Variants in ABCA13 observed in about 807,000 individuals in gnomAD.
ABCA13 encodes the protein ATP binding cassette subfamily A member 13, also known as ATP-binding cassette sub-family A member 13.
In ABCA13, 476 loss-of-function variants were observed where a neutral mutation model predicts 478.7. The observed-to-expected ratio is 0.99, with a 90% CI of 0.92 to 1.07. ABCA13 has a LOEUF of 1.07. ABCA13 is among the 50% of genes least tolerant of loss of function. The pLI is 0.00. For missense variants in ABCA13, 6,060 were observed against 5,910.6 expected, an observed-to-expected ratio of 1.03 and a Z score of -0.83; for synonymous variants, 2,252 against 2,158.9, an observed-to-expected ratio of 1.04 and a Z score of -1.20.
At chr7:48,590,613 G>C (rs1161998391) in intron 57 of ABCA13, among the ~76,000 whole-genome samples, 3 of 152,076 alleles carry the variant, frequency 2.0e-5, no homozygotes, top group African/African-American at 7.2e-5. Flanking sequence ...TTGTGTATAA[G>C]GGTTCACTTT....
chr7:48,465,088 G>C (rs1826721229), intron 43 of ABCA13, among the ~76,000 whole-genome samples: 1 of 152,182 alleles, frequency 6.6e-6, no homozygotes, highest in African/African-American at 2.4e-5. Flanking sequence ...GGCTAGGCTG[G>C]GCTGGGTGCC....
At chr7:48,468,469 A>AT (rs1452327469) in intron 44 of ABCA13, among the ~76,000 whole-genome samples, 2 of 152,126 alleles carry the variant, frequency 1.3e-5, no homozygotes, top group Non-Finnish European at 2.9e-5. Flanking sequence ...ATTTCTATCT[A>AT]TTTTTGTGGT....
At chr7:48,330,937 G>A (rs1280424333) in intron 27 of ABCA13, among the ~76,000 whole-genome samples, 7 of 152,142 alleles carry the variant, frequency 4.6e-5, no homozygotes, top group Admixed American at 4.6e-4. Flanking sequence ...TTTTGGCCAA[G>A]TGAAAAAGAA....
intron 3 of ABCA13, among the ~76,000 whole-genome samples, chr7:48,208,318 AT>A (rs920410044): frequency 2.0e-5 from 3 of 151,714 alleles, no homozygotes. Context: ...TAAAAAATGA[AT>A]TTTTTTTCTA....
intron 37 of ABCA13, 51 bp from the exon 38 acceptor site, chr7:48,391,870 T>C: frequency 6.4e-7 from 1 of 1,553,030 alleles, no homozygotes; most frequent in Non-Finnish European, 8.8e-7. Context: ...TTGCTGACGT[T>C]CACAGTATCA....
intron 1 of ABCA13, among the ~76,000 whole-genome samples, chr7:48,185,503 T>A (rs1201867486): frequency 6.6e-6 from 1 of 152,214 alleles, no homozygotes; most frequent in Non-Finnish European, 1.5e-5. Flanking sequence ...AGAATTGCAT[T>A]GAGCCTACAG....
intron 15 of ABCA13, among the ~76,000 whole-genome samples, chr7:48,255,460 C>T (rs1296834765): frequency 2.0e-5 from 3 of 152,154 alleles, no homozygotes; most frequent in Admixed American, 6.5e-5. Flanking sequence ...TTGCCCACCC[C>T]TCTTTCCCTA....
intron 58 of ABCA13, among the ~76,000 whole-genome samples, chr7:48,605,542 C>T (rs1791380522): frequency 6.6e-6 from 1 of 152,154 alleles, no homozygotes; most frequent in East Asian, 1.9e-4. Flanking sequence ...TATTGTCCCC[C>T]ATTCTCCTCT....
intron 15 of ABCA13, among the ~76,000 whole-genome samples, chr7:48,263,598 G>A (rs930849295): frequency 1.3e-5 from 2 of 151,872 alleles, no homozygotes; most frequent in Non-Finnish European, 2.9e-5. Context: ...GCTTAGCACA[G>A]TATCGTAGGC....
At chr7:48,187,478 T>G (rs1234098679) in intron 1 of ABCA13, among the ~76,000 whole-genome samples, 1 of 151,986 alleles carries the variant, frequency 6.6e-6, no homozygotes, top group Non-Finnish European at 1.5e-5. Flanking sequence ...CAAAAAATAT[T>G]TTGTTCAATT....
chr7:48,291,456 C>T (rs1488117158), intron 20 of ABCA13, among the ~76,000 whole-genome samples: 1 of 152,082 alleles, frequency 6.6e-6, no homozygotes, highest in Non-Finnish European at 1.5e-5. Context: ...GGGATGGTTC[C>T]CAAAGTAGTG....
intron 55 of ABCA13, among the ~76,000 whole-genome samples, chr7:48,531,386 G>A (rs1426679793): frequency 6.6e-6 from 1 of 152,050 alleles, no homozygotes; most frequent in Admixed American, 6.6e-5. Context: ...CTGTTTTGGT[G>A]ACTATGGCCT....
At chr7:48,266,842 C>T (rs917555953) in intron 15 of ABCA13, among the ~76,000 whole-genome samples, 8 of 151,834 alleles carry the variant, frequency 5.3e-5, no homozygotes, top group Non-Finnish European at 8.8e-5. Context: ...CCCCTAAATG[C>T]TGATTTTAGA....
chr7:48,536,032 C>A (rs929528304), intron 55 of ABCA13, among the ~76,000 whole-genome samples: 2 of 152,196 alleles, frequency 1.3e-5, no homozygotes, highest in Non-Finnish European at 2.9e-5. Context: ...TCTGTGGATT[C>A]TCTCAGCTTT....
At chr7:48,217,013 G>C (rs1440091968) in intron 3 of ABCA13, among the ~76,000 whole-genome samples, 4 of 151,990 alleles carry the variant, frequency 2.6e-5, no homozygotes, top group African/African-American at 9.7e-5. Flanking sequence ...ATATTTTTTG[G>C]TATTGTTTTA....
In ABCA13 at chr7:48,587,231, C is replaced by T. The variant is rs762458313; in HGVS notation, c.14583C>T (p.Thr4861=). The T allele has an allele frequency of 3.3e-5, 54 of 1,612,270 alleles. 1 individual carries two copies. The Admixed American group carries it at 4.2e-4, about 12-fold the overall frequency. ...CTGTGGCCACCTACAGTGGGGGAAC[C>T]AAGCGGAAACTCTCTACAGCCCTGG... The part of the protein sequence containing the change: ...DKPVATYSGG[T]KRKLSTALAL... The change falls in exon 57 of 62, where the codon ACC becomes ACT. Residue 4861 remains threonine, a synonymous_variant. Coordinates refer to ENST00000435803, the MANE Select transcript of ABCA13 (RefSeq NM_152701.5).
At chr7:48,605,420 C>T (rs868609240) in intron 58 of ABCA13, among the ~76,000 whole-genome samples, 7 of 152,104 alleles carry the variant, frequency 4.6e-5, no homozygotes, top group African/African-American at 1.7e-4. Context: ...GTAAGGCAGC[C>T]CTGGTGGTGA....
chr7:48,541,241 A>G (rs574869936), intron 55 of ABCA13, among the ~76,000 whole-genome samples: 1 of 152,258 alleles, frequency 6.6e-6, no homozygotes, highest in East Asian at 1.9e-4. Flanking sequence ...TTTGGTCAGC[A>G]TAGTGTTAAA....
chr7:48,361,634 G>T (rs531504423), intron 31 of ABCA13, among the ~76,000 whole-genome samples: 2 of 150,372 alleles, frequency 1.3e-5, no homozygotes, highest in South Asian at 4.2e-4. Context: ...TTAAATATTT[G>T]TAGTTAAATA....
Sources: allele counts gnomAD v4.1 joint callset (sites outside exome capture counted in the v4.1 genomes callset), GRCh38; gene constraint gnomAD v4.1.1; transcripts MANE v1.5; gene names NCBI Gene and HGNC (gene_info 2026-07-23, HGNC 2026-07-21).